Variants in SMAD6 observed in about 807,000 individuals in gnomAD.
The protein encoded by SMAD6 is MAD homolog 6.
A neutral mutation model predicts 39.4 loss-of-function variants in SMAD6; 103 were observed. The observed-to-expected ratio is 2.62, with a 90% CI of 2.23 to 3.08. The LOEUF is 3.08. Ranked by LOEUF, SMAD6 falls within the 30% of genes most tolerant of loss-of-function variation. SMAD6 has a pLI of 0.00. For missense variants in SMAD6, 1,104 were observed against 742.9 expected (o/e 1.49, Z -5.65); for synonymous variants, 445 against 353.3 (o/e 1.26, Z -2.91).
chr15:66,729,263 T>C (rs561193268), intron 3 of SMAD6, among the ~76,000 whole-genome samples: 3 of 152,244 alleles, frequency 2.0e-5, no homozygotes, highest in Non-Finnish European at 4.4e-5. Context: ...CCGGCACCCC[T>C]GAGGCCGGAT....
chr15:66,757,690 G>A (rs1003706274), intron 3 of SMAD6, among the ~76,000 whole-genome samples: 7 of 152,236 alleles, frequency 4.6e-5, no homozygotes, highest in African/African-American at 1.7e-4. Context: ...CCCTGGCAGA[G>A]GCATGAGGGC....
At chr15:66,727,105 T>C (rs1369553541) in intron 3 of SMAD6, among the ~76,000 whole-genome samples, 3 of 149,014 alleles carry the variant, frequency 2.0e-5, no homozygotes, top group South Asian at 2.1e-4. Flanking sequence ...TCTTCTTCTT[T>C]TTTTTTTTTT....
intron 1 of SMAD6, chr15:66,708,160 C>T (rs941139448): frequency 6.6e-6 from 1 of 152,494 alleles, no homozygotes; most frequent in Middle Eastern, 3.4e-3. Context: ...TCTTTTCTTT[C>T]TCTCCCTACC....
intron 1 of SMAD6, among the ~76,000 whole-genome samples, chr15:66,708,974 T>C (rs931677520): frequency 1.7e-4 from 26 of 152,258 alleles, no homozygotes; most frequent in African/African-American, 6.3e-4. Flanking sequence ...TATTGGTCTG[T>C]AACTGGCCTC....
chr15:66,713,283 T>C (rs1366537005), intron 2 of SMAD6, among the ~76,000 whole-genome samples: 1 of 152,178 alleles, frequency 6.6e-6, no homozygotes, highest in Admixed American at 6.5e-5. Context: ...AAAGGCCTCC[T>C]CCCAGTAGTG....
intron 2 of SMAD6, among the ~76,000 whole-genome samples, chr15:66,714,522 G>A (rs1893290408): frequency 6.6e-6 from 1 of 152,172 alleles, no homozygotes; most frequent in East Asian, 1.9e-4. Context: ...CATGGCTGAG[G>A]CAGAGTTGAG....
At chr15:66,707,058 C>T (rs563819575) in intron 1 of SMAD6, 2 of 152,190 alleles carry the variant, frequency 1.3e-5, no homozygotes, top group African/African-American at 2.4e-5. Context: ...CTAGGGGCCT[C>T]CTGGCCTCCC....
rs1006397889 is a variant in SMAD6, at chr15:66,703,521, G to GC, written c.269dup (p.Arg91GlufsTer30). ...GCGGGGAGGCGCCGGCGCGCAGGGG[G>GC]CCCCCCGAGGCCCATGTCGGAGCCA... On this transcript the variant is annotated frameshift_variant, in exon 1 of 4. Coordinates refer to ENST00000288840, the MANE Select transcript of SMAD6 (RefSeq NM_005585.5). LOFTEE classifies it high-confidence loss of function. 1.6e-5 allele frequency: 20 copies of GC among 1,221,026 alleles called. No homozygotes were observed. Among genetic ancestry groups the GC allele is most frequent in the East Asian group, 3.3e-5 (1 of 29,938 alleles). 75.6% of individuals were successfully genotyped at this position (1,221,026 alleles called of 1,614,324 possible). A position where few individuals can be genotyped will look rare whatever the true frequency, so the allele number is the denominator to read the frequency against.
intron 3 of SMAD6, among the ~76,000 whole-genome samples, chr15:66,722,819 A>G (rs777899007): frequency 2.6e-5 from 4 of 152,052 alleles, no homozygotes; most frequent in Non-Finnish European, 5.9e-5. Flanking sequence ...TCCTGGGGGA[A>G]CAGACAGCTG....
intron 3 of SMAD6, among the ~76,000 whole-genome samples, chr15:66,773,156 C>A (rs1001383916): frequency 1.4e-5 from 2 of 145,396 alleles, no homozygotes; most frequent in East Asian, 2.1e-4. Flanking sequence ...CGATTAGGAA[C>A]TTCCCCTTGG....
At chr15:66,729,773 C>T (rs1005382551) in intron 3 of SMAD6, among the ~76,000 whole-genome samples, 8 of 152,082 alleles carry the variant, frequency 5.3e-5, no homozygotes, top group Non-Finnish European at 1.2e-4. Context: ...GGGTTTTCCA[C>T]GGAAATAACT....
At chr15:66,725,071 A>T (rs185499654) in intron 3 of SMAD6, among the ~76,000 whole-genome samples, 2 of 152,280 alleles carry the variant, frequency 1.3e-5, no homozygotes, top group East Asian at 3.9e-4. Context: ...ACAATCGGGA[A>T]CTGCGCTCGA....
chr15:66,709,615 C>G (rs758725553), intron 1 of SMAD6, among the ~76,000 whole-genome samples: 6 of 152,204 alleles, frequency 3.9e-5, no homozygotes, highest in African/African-American at 1.4e-4. Context: ...AGACCTCAGC[C>G]AGTCAGATTT....
At chr15:66,742,307 A>G (rs1417985215) in intron 3 of SMAD6, among the ~76,000 whole-genome samples, 1 of 151,964 alleles carries the variant, frequency 6.6e-6, no homozygotes, top group Admixed American at 6.6e-5. Context: ...AATCCCACCA[A>G]TGTCTGGTTT....
At chr15:66,757,207 A>G (rs1894116597) in intron 3 of SMAD6, among the ~76,000 whole-genome samples, 1 of 152,194 alleles carries the variant, frequency 6.6e-6, no homozygotes, top group South Asian at 2.1e-4. Context: ...CGTCCAGGGA[A>G]CAAAACTTCC....
chr15:66,765,258 T>A (rs1285466649), intron 3 of SMAD6, among the ~76,000 whole-genome samples: 1 of 152,106 alleles, frequency 6.6e-6, no homozygotes, highest in Non-Finnish European at 1.5e-5. Context: ...AGAGTCTGGC[T>A]CTGTCGCCCA....
At chr15:66,746,918 C>T (rs892032818) in intron 3 of SMAD6, among the ~76,000 whole-genome samples, 1 of 152,090 alleles carries the variant, frequency 6.6e-6, no homozygotes, top group Non-Finnish European at 1.5e-5. Flanking sequence ...TAATTGAATC[C>T]CCCAGAGTTG....
chr15:66,717,271 A>G, intron 3 of SMAD6: 2 of 525,980 alleles, frequency 3.8e-6, no homozygotes, highest in Middle Eastern at 6.2e-4. Flanking sequence ...GGGGCTGCAT[A>G]CCTTGTGGGC....
At chr15:66,737,162 C>T (rs1893726993) in intron 3 of SMAD6, among the ~76,000 whole-genome samples, 1 of 152,220 alleles carries the variant, frequency 6.6e-6, no homozygotes, top group African/African-American at 2.4e-5. Context: ...TCCCTGCCTC[C>T]AGCAGGCCCA....
Sources: gnomAD v4.1 joint callset for allele counts (sites outside exome capture counted in the v4.1 genomes callset) on GRCh38, gnomAD v4.1.1 for gene constraint, MANE v1.5 for transcripts, NCBI Gene and HGNC (gene_info 2026-07-23, HGNC 2026-07-21) for gene names.